The following DIP2B variants were observed in gnomAD, a reference collection of about 807,000 sequenced individuals.
DIP2B encodes disco-interacting protein 2 homolog B.
Under a neutral mutation model 198.0 loss-of-function variants are expected in DIP2B, and 76 were observed. That is an observed-to-expected ratio of 0.38 (90% CI 0.32 to 0.46). DIP2B has a LOEUF of 0.46. Among genes scored for constraint, DIP2B ranks in the 20% least tolerant of loss-of-function variants. DIP2B has a pLI of 0.99. For missense variants in DIP2B, 1,559 were observed against 1,978.4 expected, an observed-to-expected ratio of 0.79 and a Z score of 4.02; for synonymous variants, 701 against 739.1, an observed-to-expected ratio of 0.95 and a Z score of 0.84.
chr12:50,677,923 G>T (rs1392972382), intron 7 of DIP2B, among the ~76,000 whole-genome samples: 1 of 151,824 alleles, frequency 6.6e-6, no homozygotes. Context: ...TACAGTAAAA[G>T]AAGTCCTTAG....
In DIP2B at chr12:50,695,352, C is replaced by T; in HGVS notation, c.1805C>T (p.Ala602Val). 1 of 1,613,396 alleles carries T rather than the reference C, an allele frequency of 6.2e-7. No homozygotes were observed. Among genetic ancestry groups the T allele is most frequent in the South Asian group, 1.1e-5 (1 of 91,048 alleles). The change falls in exon 15 of 38, where the codon GCT becomes GTT. Residue 602 changes from alanine to valine, a missense_variant. Coordinates refer to ENST00000301180, the MANE Select transcript of DIP2B (RefSeq NM_173602.3). ...CTCTCTTGGGTCCAAAGAGTACATG[C>T]TCACAAAGGTAGTCACCTGCAACAT... ...CPLSWVQRVH[A>V]HKAKVALVKC...
intron 1 of DIP2B, among the ~76,000 whole-genome samples, chr12:50,521,018 T>C (rs1958112465): frequency 6.6e-6 from 1 of 151,544 alleles, no homozygotes; most frequent in Non-Finnish European, 1.5e-5. Context: ...GACGTTCCTC[T>C]CATCATGAAA....
intron 1 of DIP2B, among the ~76,000 whole-genome samples, chr12:50,525,344 C>T (rs1252356953): frequency 2.7e-5 from 3 of 111,636 alleles, no homozygotes; most frequent in East Asian, 2.6e-4. Flanking sequence ...GGCGACAGAG[C>T]GAGACTCCAT....
At position 50,678,778 on chromosome 12, in the gene DIP2B, T is replaced by C. The variant is rs1203506796; in HGVS notation, c.1016T>C (p.Leu339Pro). Residue 339 changes from leucine (L) to proline (P), a missense_variant, in exon 8 of 38, where the codon CTT (leucine) becomes CCT (proline). By Grantham distance (98) the Leu-to-Pro change is moderately conservative. Transcript: ENST00000301180. The stretch of plus-strand genomic sequence containing the variant: ...GTCATCTGTAACTGGCCTCCTGCTC[T>C]TGAATCTGCCCTGCAGCGCTGGGGT... ...LGVICNWPPA[L>P]ESALQRWGTT... 6.2e-7 allele frequency: 1 copy of C among 1,614,226 alleles called. No homozygotes were observed. Among genetic ancestry groups the C allele is most frequent in the Non-Finnish European group, 8.5e-7 (1 of 1,180,030 alleles).
chr12:50,731,739 T>C (rs1940046431), intron 31 of DIP2B, among the ~76,000 whole-genome samples: 1 of 152,238 alleles, frequency 6.6e-6, no homozygotes. Flanking sequence ...CAGTTTAATA[T>C]GATTCTTACT....
intron 1 of DIP2B, among the ~76,000 whole-genome samples, chr12:50,602,627 G>A (rs1412690189): frequency 6.6e-6 from 1 of 152,124 alleles, no homozygotes; most frequent in African/African-American, 2.4e-5. Context: ...TTGGGAGGCC[G>A]AGGCTGGCGG....
chr12:50,514,065 C>CTTTTTTTTTTTTTTTTTTTTT (rs71083583), intron 1 of DIP2B, among the ~76,000 whole-genome samples: 1 of 118,814 alleles, frequency 8.4e-6, no homozygotes, highest in Non-Finnish European at 1.8e-5. Flanking sequence ...ACTCAGTTGT[C>CTTTTTTTTTTTTTTTTTTTTT]TTTTTTTTTT....
At position 50,686,574 on chromosome 12, in the gene DIP2B, T is replaced by A; in HGVS notation, c.1443T>A (p.Gly481=). The change falls in exon 12 of 38, where the codon GGT becomes GGA. Residue 481 remains glycine, a splice_region_variant and synonymous_variant. Coordinates refer to ENST00000301180, the MANE Select transcript of DIP2B (RefSeq NM_173602.3). The stretch of plus-strand genomic sequence containing the variant: ...ATTTTCACTTTGGGTTTGATTTAGG[T>A]TGGCCCCGGCTCAAATGGGTTGTAA... ...TQNGEIVQFK[G]WPRLKWVVTD... 6.2e-7 allele frequency: 1 copy of A among 1,613,978 alleles called. No individual in the cohort carries two copies. Among genetic ancestry groups the A allele is most frequent in the Non-Finnish European group, 8.5e-7 (1 of 1,179,970 alleles).
intron 9 of DIP2B, among the ~76,000 whole-genome samples, 172 bp downstream of exon 9, chr12:50,680,935 A>G (rs1330403116): frequency 6.6e-6 from 1 of 152,168 alleles, no homozygotes; most frequent in Non-Finnish European, 1.5e-5. Context: ...CCAGATGACA[A>G]TTCTCACATT....
chr12:50,610,976 T>G (rs1174319151), intron 1 of DIP2B, among the ~76,000 whole-genome samples: 4 of 152,060 alleles, frequency 2.6e-5, no homozygotes, highest in Non-Finnish European at 5.9e-5. Context: ...TTTTTTTGTA[T>G]TTTTAGTAGA....
chr12:50,585,314 C>G (rs1958760844), intron 1 of DIP2B, among the ~76,000 whole-genome samples: 1 of 152,216 alleles, frequency 6.6e-6, no homozygotes, highest in South Asian at 2.1e-4. Flanking sequence ...ACTCAGGAAG[C>G]TTATGTATAG....
At chr12:50,511,291 A>ATTTTTTTTTTT (rs71083581) in intron 1 of DIP2B, among the ~76,000 whole-genome samples, 9,535 of 64,540 alleles carry the variant, frequency 0.15, 3,172 homozygotes, top group East Asian at 0.24. Context: ...TGTGATTTCT[A>ATTTTTTTTTTT]TTTTTTTTTT....
chr12:50,505,999 A>T (rs946774888), intron 1 of DIP2B, among the ~76,000 whole-genome samples: 1 of 151,414 alleles, frequency 6.6e-6, no homozygotes, highest in African/African-American at 2.4e-5. Flanking sequence ...TTGACAATGG[A>T]TTGGGACAGG....
At chr12:50,552,094 A>G (rs1304915393) in intron 1 of DIP2B, among the ~76,000 whole-genome samples, 1 of 152,112 alleles carries the variant, frequency 6.6e-6, no homozygotes, top group East Asian at 1.9e-4. Context: ...TAAAATAGAT[A>G]TCCTAATGGT....
chr12:50,660,101 T>C (rs1938619525), intron 3 of DIP2B, 93 bp from the exon 4 acceptor site: 3 of 1,247,266 alleles, frequency 2.4e-6, no homozygotes, highest in Non-Finnish European at 3.1e-6. Flanking sequence ...TTTTTTTTTT[T>C]TTTTAAACAA....
intron 1 of DIP2B, among the ~76,000 whole-genome samples, chr12:50,603,059 G>A (rs184091451): frequency 5.0e-4 from 76 of 151,504 alleles, no homozygotes; most frequent in African/African-American, 1.6e-3. Flanking sequence ...AGCTACTCGG[G>A]AGGCTGAGGC....
chr12:50,515,920 C>T (rs1178775392), intron 1 of DIP2B, among the ~76,000 whole-genome samples: 1 of 152,162 alleles, frequency 6.6e-6, no homozygotes, highest in Non-Finnish European at 1.5e-5. Context: ...TCAGAATGTC[C>T]ACTTACTATC....
rs138571678 is a variant in DIP2B, at chr12:50,603,414, C to T, written c.101-22562C>T. On this transcript the variant is annotated intron_variant, in intron 1 of 37. Coordinates refer to ENST00000301180, the MANE Select transcript of DIP2B (RefSeq NM_173602.3). ...AGTCTTAATCTTACTGCCTAGGCTA[C>T]GCAAGTAAGGTATTTGAGAATTGAG... Among the ~76,000 whole-genome samples the T allele has an allele frequency of 1.6e-3, 244 of 152,110 alleles. 3 individuals carry two copies. The highest frequency in any genetic ancestry group is 0.012 in the East Asian group (60 of 5,160).
At chr12:50,660,416 T>C (rs1592114908) in intron 4 of DIP2B, 97 bp downstream of exon 4, 1 of 1,317,416 alleles carries the variant, frequency 7.6e-7, no homozygotes. Context: ...ACCAGAATCT[T>C]CTCCCCGCCA....
Sources: gnomAD v4.1 joint callset for allele counts (sites outside exome capture counted in the v4.1 genomes callset) on GRCh38, gnomAD v4.1.1 for gene constraint, MANE v1.5 for transcripts, NCBI Gene and HGNC (gene_info 2026-07-23, HGNC 2026-07-21) for gene names.